Variants in NUMA1 observed in about 807,000 individuals in gnomAD.
The protein encoded by NUMA1 is SP-H antigen.
Under a neutral mutation model 237.1 loss-of-function variants are expected in NUMA1, and 62 were observed. The observed-to-expected ratio is 0.26, with a 90% CI of 0.21 to 0.32. The LOEUF (loss-of-function observed/expected upper bound fraction) is 0.32, where lower values mean the gene tolerates loss of function less well. Ranked by LOEUF, NUMA1 falls within the 10% of genes least tolerant of loss-of-function variation. The pLI is 1.00. For synonymous variants in NUMA1, 1,028 were observed against 1,066.1 expected (o/e 0.96, Z 0.70); for missense variants, 2,533 against 2,666.5 (o/e 0.95, Z 1.10).
At position 72,017,732 on chromosome 11, in the gene NUMA1, C is replaced by G; in HGVS notation, c.1074G>C (p.Lys358Asn). 6 of 1,613,538 alleles carry G rather than the reference C, an allele frequency of 3.7e-6. No homozygotes were observed. Among genetic ancestry groups the G allele is most frequent in the Non-Finnish European group, 5.1e-6 (6 of 1,180,040 alleles). ...HSKATQEWLE[K>N]QAQLEKELSA... is the part of the protein sequence containing the mutation. ...TGAGCTCCTTCTCCAGCTGGGCCTG[C>G]TTCTCTAGCCACTCCTGAGTGGCCT... The change falls in exon 13 of 27, where the codon AAG becomes AAC. Residue 358 changes from lysine (K) to asparagine (N), a missense_variant. Physicochemically the swap from Lys to Asn is moderately conservative, Grantham distance 94. Around this residue, in one of 3 missense-constraint regions of NUMA1, gnomAD observed 1,414 missense variants for 1,508.1 expected, o/e 0.94. Coordinates refer to ENST00000393695, the MANE Select transcript of NUMA1 (RefSeq NM_006185.4).
At chr11:72,054,215 C>T (rs1942514317) in intron 2 of NUMA1, among the ~76,000 whole-genome samples, 1 of 152,092 alleles carries the variant, frequency 6.6e-6, no homozygotes, top group South Asian at 2.1e-4. Context: ...TTTGTAATCC[C>T]AGCACTTTGG....
Position 72,008,773 on chromosome 11 carries a change from C to T in NUMA1, c.5131G>A (p.Glu1711Lys). The change falls in exon 20 of 27, where the codon GAG (glutamate) becomes AAG (lysine). Residue 1711 changes from glutamate to lysine, a missense_variant. Physicochemically the swap from Glu to Lys is moderately conservative, Grantham distance 56 (BLOSUM62 1). Transcript: ENST00000393695. ...QVATDALKSR[E>K]PQAKPQLDLS... ...TCCAGCTGGGGCTTAGCCTGGGGCT[C>T]ACGGCTCTTTAAAGCATCAGTTGCC... 1.2e-6 allele frequency: 2 copies of T among 1,614,128 alleles called. No homozygotes were observed. The highest frequency in any genetic ancestry group is 1.7e-6 in the Non-Finnish European group (2 of 1,180,022).
chr11:72,022,268 A>G, intron 7 of NUMA1, 71 bp downstream of exon 7: 1 of 996,082 alleles, frequency 1.0e-6, no homozygotes, highest in Non-Finnish European at 1.5e-6. Flanking sequence ...CTGCTGTTCA[A>G]AGAAAAACAA....
In NUMA1 at chr11:72,018,456, TTC is replaced by T; in HGVS notation, c.798_799del (p.Lys267AlafsTer12). 1 of 1,614,158 alleles carries T rather than the reference TTC, an allele frequency of 6.2e-7. No homozygotes were observed. The highest frequency in any genetic ancestry group is 8.5e-7 in the Non-Finnish European group (1 of 1,180,024). Reference sequence around the variant, plus strand: ...GGGCTCCAGTGGGCTGGCCGCCTGCTTCTCATTCAGCAGGGCTAGGCGGTCAA... The same window carrying T: ...GGGCTCCAGTGGGCTGGCCGCCTGCTTCATTCAGCAGGGCTAGGCGGTCAA... On this transcript the variant is annotated frameshift_variant, in exon 11 of 27. Transcript: ENST00000393695. LOFTEE classifies it high-confidence loss of function.
chr11:72,015,965 G>C lies in NUMA1; in HGVS notation c.1538C>G (p.Thr513Ser). Residue 513 changes from threonine (T) to serine (S), a missense_variant, in exon 15 of 27, where the codon ACC becomes AGC. By Grantham distance (58) the Thr-to-Ser change is moderately conservative. This residue lies in a region of NUMA1 where 1,414 missense variants were observed against 1,508.1 expected (regional missense o/e 0.94). Coordinates refer to ENST00000393695, the MANE Select transcript of NUMA1 (RefSeq NM_006185.4). This position sits in a 1 kb window ranked among gnomAD's most constrained non-coding sequence, Gnocchi z 4.0. ...LTSELTTLNA[T>S]IQQQDQELAG... ...CAGTTCTTGATCCTGTTGCTGGATG[G>C]TGGCATTGAGTGTGGTGAGCTCAGA... is the stretch of plus-strand genomic sequence containing the variant. The C allele has an allele frequency of 6.2e-7, 1 of 1,614,106 alleles. No homozygotes were observed. The highest frequency in any genetic ancestry group is 2.2e-5 in the East Asian group (1 of 44,886).
At chr11:72,048,825 G>T (rs771618029) in intron 2 of NUMA1, among the ~76,000 whole-genome samples, 1 of 152,184 alleles carries the variant, frequency 6.6e-6, no homozygotes, top group Non-Finnish European at 1.5e-5. Context: ...CTTGTACTAG[G>T]AGGGATGTTG....
intron 7 of NUMA1, 60 bp from the exon 8 acceptor site, chr11:72,021,351 C>T (rs554621073): frequency 2.1e-6 from 3 of 1,457,798 alleles, no homozygotes; most frequent in East Asian, 4.6e-5. Flanking sequence ...GGGATGGCTG[C>T]CAGGAGCTCC....
intron 2 of NUMA1, among the ~76,000 whole-genome samples, chr11:72,061,147 G>A (rs543398538): frequency 4.1e-4 from 63 of 152,290 alleles, no homozygotes; most frequent in African/African-American, 1.5e-3. Context: ...TGAGGCAGGA[G>A]GACCCCTTGA....
intron 2 of NUMA1, chr11:72,050,818 A>G (rs1942295981): frequency 6.6e-6 from 1 of 151,634 alleles, no homozygotes; most frequent in African/African-American, 2.4e-5. Context: ...CATTGTTCAC[A>G]CTGCTTCTGC....
Position 72,015,691 on chromosome 11 carries a change from C to T in NUMA1, c.1812G>A (p.Lys604=). 6.2e-7 allele frequency: 1 copy of T among 1,614,064 alleles called. No homozygotes were observed. ...ASLRERDAAL[K]QLEALEKEKA... is the part of the protein sequence containing the mutation. ...TCTCCTTCTCCAGTGCCTCCAGCTGCTTGAGAGCCGCATCCCGCTCCCTTA... is the reference window on the plus strand; with the variant it reads ...TCTCCTTCTCCAGTGCCTCCAGCTGTTTGAGAGCCGCATCCCGCTCCCTTA... Residue 604 remains lysine (K), a synonymous_variant, in exon 15 of 27, where the codon AAG becomes AAA. Transcript: ENST00000393695. This position sits in a 1 kb window ranked among gnomAD's most constrained non-coding sequence, Gnocchi z 4.0.
In NUMA1 at chr11:72,023,085, A is replaced by T; in HGVS notation, c.271T>A (p.Ser91Thr). The change falls in exon 6 of 27, where the codon TCA becomes ACA. Residue 91 changes from serine (S) to threonine (T), a missense_variant. Physicochemically the swap from Ser to Thr is moderately conservative, Grantham distance 58. This residue lies in a region of NUMA1 where 1,414 missense variants were observed against 1,508.1 expected (regional missense o/e 0.94). Transcript: ENST00000393695. ...LVSAQKVLEG[S>T]ELELAKMTML... ...GGTACCTTCGCCAGTTCCAGCTCTG[A>T]TCCCTCTAGCACCTTCTGTGCAGAT... 6.2e-7 allele frequency: 1 copy of T among 1,613,820 alleles called. No individual in the cohort carries two copies. Among genetic ancestry groups the T allele is most frequent in the Non-Finnish European group, 8.5e-7 (1 of 1,179,810 alleles).
intron 3 of NUMA1, among the ~76,000 whole-genome samples, chr11:72,033,931 C>A (rs1940671472): frequency 6.6e-6 from 1 of 152,146 alleles, no homozygotes; most frequent in East Asian, 1.9e-4. Flanking sequence ...CCAGCCTGGG[C>A]AACTTAGCAA....
intron 2 of NUMA1, among the ~76,000 whole-genome samples, chr11:72,056,043 G>T (rs2136092823): frequency 1.3e-5 from 2 of 151,998 alleles, no homozygotes; most frequent in East Asian, 3.9e-4. Context: ...CAGCTACTCA[G>T]AAGGCTGAGG....
intron 2 of NUMA1, among the ~76,000 whole-genome samples, chr11:72,052,096 T>C (rs1295144761): frequency 6.6e-6 from 1 of 151,984 alleles, no homozygotes; most frequent in Admixed American, 6.6e-5. Context: ...GCAGGGGCAG[T>C]AGGAACTAAA....
Position 72,009,045 on chromosome 11 carries a change from C to T in NUMA1, c.4980G>A (p.Gln1660=). 1 of 1,613,804 alleles carries T rather than the reference C, an allele frequency of 6.2e-7. No individual in the cohort carries two copies. The highest frequency in any genetic ancestry group is 1.1e-5 in the South Asian group (1 of 91,084). ...CCTCCTTGGTCTTCAGCCCAGCCTG[C>T]TGTAGCTCATGGCCCAGCCGTTCAG... ...AEAERLGHEL[Q]QAGLKTKEAE... The change falls in exon 19 of 27, where the codon CAG becomes CAA. Residue 1660 remains glutamine (Q), a synonymous_variant. Transcript: ENST00000393695.
chr11:72,069,464 A>T (rs1386318438), intron 2 of NUMA1, among the ~76,000 whole-genome samples: 1 of 152,192 alleles, frequency 6.6e-6, no homozygotes, highest in Non-Finnish European at 1.5e-5. Flanking sequence ...AAAGGGACAG[A>T]AATAACTTGG....
In NUMA1 at chr11:72,022,381, G is replaced by A. The variant is rs1938982993; in HGVS notation, c.330C>T (p.Ser110=). ...ACTGTTCCCAGTCCCTGGGACTTTTGGAGCTCATGGTAGAGTGGTATAAGA... is the reference window on the plus strand; with the variant it reads ...ACTGTTCCCAGTCCCTGGGACTTTTAGAGCTCATGGTAGAGTGGTATAAGA... The part of the protein sequence containing the change: ...MLLLYHSTMS[S]KSPRDWEQFE... Residue 110 remains serine, a synonymous_variant, in exon 7 of 27, where the codon TCC becomes TCT. Transcript: ENST00000393695. 1 of 1,613,750 alleles carries A rather than the reference G, an allele frequency of 6.2e-7. No individual in the cohort carries two copies. Among genetic ancestry groups the A allele is most frequent in the Non-Finnish European group, 8.5e-7 (1 of 1,179,822 alleles).
intron 2 of NUMA1, among the ~76,000 whole-genome samples, chr11:72,056,891 G>A (rs774026412): frequency 6.6e-6 from 1 of 151,676 alleles, no homozygotes; most frequent in Non-Finnish European, 1.5e-5. Flanking sequence ...AGGAAAGGGC[G>A]GAGATTTTTG....
chr11:72,041,001 A>G (rs1184305055), intron 2 of NUMA1: 1 of 152,000 alleles, frequency 6.6e-6, no homozygotes, highest in African/African-American at 2.4e-5. Context: ...TTAATCCGCC[A>G]TTAGCATTTA....
Sources: allele counts gnomAD v4.1 joint callset (sites outside exome capture counted in the v4.1 genomes callset), GRCh38; gene constraint gnomAD v4.1.1; regional missense constraint gnomAD v4.1.1; non-coding constraint Gnocchi (gnomAD v3.1); transcripts MANE v1.5; gene names NCBI Gene and HGNC (gene_info 2026-07-23, HGNC 2026-07-21).